The following DNAJC13 variants were observed in gnomAD, a reference collection of about 807,000 sequenced individuals.
The protein encoded by DNAJC13 is dnaJ homolog subfamily C member 13.
Under a neutral mutation model 290.5 loss-of-function variants are expected in DNAJC13, and 75 were observed. That is an observed-to-expected ratio of 0.26 (90% confidence interval 0.21 to 0.31). The LOEUF (loss-of-function observed/expected upper bound fraction) is 0.31. DNAJC13 is among the 10% of genes least tolerant of loss of function. The pLI is 1.00. For synonymous variants in DNAJC13, 862 were observed against 892.0 expected (o/e 0.97, Z 0.60); for missense variants, 2,260 against 2,674.5 (o/e 0.85, Z 3.42).
At chr3:132,468,042 T>A (rs568507326) in intron 20 of DNAJC13, among the ~76,000 whole-genome samples, 5 of 152,356 alleles carry the variant, frequency 3.3e-5, no homozygotes, top group Admixed American at 3.3e-4. Flanking sequence ...AAGATTCACA[T>A]TTTAAATTCA....
At chr3:132,531,266 T>C (rs1936407028) in intron 55 of DNAJC13, among the ~76,000 whole-genome samples, 169 bp downstream of exon 55, 1 of 152,202 alleles carries the variant, frequency 6.6e-6, no homozygotes, top group African/African-American at 2.4e-5. Context: ...TAGCTTTATA[T>C]AGCATGCAAA....
intron 22 of DNAJC13, 63 bp from the exon 23 acceptor site, chr3:132,477,726 T>G (rs1216115853): frequency 7.0e-6 from 8 of 1,144,422 alleles, no homozygotes; most frequent in Non-Finnish European, 1.0e-5. Context: ...TAAGAAACAA[T>G]TATTAGAAAT....
At chr3:132,504,561 A>G (rs1163900579) in intron 41 of DNAJC13, among the ~76,000 whole-genome samples, 2 of 152,220 alleles carry the variant, frequency 1.3e-5, no homozygotes, top group African/African-American at 4.8e-5. Context: ...ACTGGATTCA[A>G]TAAAATGCTT....
At chr3:132,457,606 G>T in intron 13 of DNAJC13, 1 of 436,740 alleles carries the variant, frequency 2.3e-6, no homozygotes. Context: ...TGACAGTCTG[G>T]TAAGGTAGGC....
chr3:132,417,922 T>A (rs907046342), intron 1 of DNAJC13, among the ~76,000 whole-genome samples, 162 bp downstream of exon 1: 7 of 152,180 alleles, frequency 4.6e-5, no homozygotes, highest in African/African-American at 1.7e-4. Flanking sequence ...GCTGCTGGTC[T>A]GGTTCCTTTC....
chr3:132,478,584 T>G (rs1025853914), intron 24 of DNAJC13, among the ~76,000 whole-genome samples: 2 of 152,174 alleles, frequency 1.3e-5, no homozygotes, highest in African/African-American at 4.8e-5. Flanking sequence ...GAGTTAGCAC[T>G]CTACAAAAAA....
At position 132,483,597 on chromosome 3, in the gene DNAJC13, T is replaced by A. The variant is rs1934753345; in HGVS notation, c.3182+20T>A. ...AAGCAGGTAAAATGTAATTGAATGTTTCCATGGTTAATTGATATGCTTCCT... is the reference window on the plus strand; with the variant it reads ...AAGCAGGTAAAATGTAATTGAATGTATCCATGGTTAATTGATATGCTTCCT... On this transcript the variant is annotated intron_variant, in intron 28 of 55. Coordinates refer to ENST00000260818, the MANE Select transcript of DNAJC13 (RefSeq NM_015268.4). 1 of 1,608,042 alleles carries A rather than the reference T, an allele frequency of 6.2e-7. No homozygotes were observed. The highest frequency in any genetic ancestry group is 1.3e-5 in the African/African-American group (1 of 74,924).
At chr3:132,446,408 A>T (rs1933245179) in intron 2 of DNAJC13, 67 bp from the exon 3 acceptor site, 2 of 1,095,122 alleles carry the variant, frequency 1.8e-6, no homozygotes, top group Non-Finnish European at 2.7e-6. Context: ...GTTTTGTGTT[A>T]TATATATTTT....
At chr3:132,465,944 G>T in intron 17 of DNAJC13, 51 bp from the exon 18 acceptor site, 1 of 1,320,288 alleles carries the variant, frequency 7.6e-7, no homozygotes, top group South Asian at 1.3e-5. Context: ...ATTCCTTTCT[G>T]TTCTAGCTGA....
At chr3:132,503,420 T>G (rs1477528574) in intron 41 of DNAJC13, 39 bp downstream of exon 41, 21 of 1,609,752 alleles carry the variant, frequency 1.3e-5, no homozygotes, top group Non-Finnish European at 1.7e-5. Context: ...TAATCAATAG[T>G]GCAAGATCCT....
chr3:132,511,067 G>A lies in DNAJC13; in HGVS notation c.5116G>A (p.Val1706Ile), dbSNP rs771572276. The change falls in exon 44 of 56, where the codon GTT (valine) becomes ATT (isoleucine). Residue 1706 changes from valine to isoleucine, a missense_variant and splice_region_variant. By Grantham distance (29) the Val-to-Ile change is conservative (BLOSUM62 3). Around this residue, in one of 3 missense-constraint regions of DNAJC13, gnomAD observed 1,494 missense variants for 1,693.7 expected, o/e 0.88. Transcript: ENST00000260818. Reference sequence around the variant, plus strand: ...TTAAATACTTGTCTGCATTGATTAGGTTCCAAAAGCATTTGCTGCAAGTCT... The same window carrying A: ...TTAAATACTTGTCTGCATTGATTAGATTCCAAAAGCATTTGCTGCAAGTCT... ...YNEVPTFQLE[V>I]PKAFAASLLD... The A allele has an allele frequency of 5.0e-6, 8 of 1,613,438 alleles. No homozygotes were observed. The highest frequency in any genetic ancestry group is 1.7e-4 in the Middle Eastern group (1 of 6,056).
chr3:132,465,910 T>C (rs1025302068), intron 17 of DNAJC13, 85 bp from the exon 18 acceptor site: 2 of 781,010 alleles, frequency 2.6e-6, no homozygotes, highest in Non-Finnish European at 4.1e-6. Flanking sequence ...TTTTTTATAA[T>C]TATGTGATAT....
chr3:132,513,491 TG>T (rs1935837820), intron 45 of DNAJC13, among the ~76,000 whole-genome samples: 1 of 152,190 alleles, frequency 6.6e-6, no homozygotes, highest in Admixed American at 6.5e-5. Flanking sequence ...CTACATACTG[TG>T]GGTTTGCATT....
chr3:132,435,386 G>A (rs1217405357), intron 2 of DNAJC13, among the ~76,000 whole-genome samples: 1 of 152,154 alleles, frequency 6.6e-6, no homozygotes, highest in Non-Finnish European at 1.5e-5. Flanking sequence ...CGTGCCACAA[G>A]GTAAAATGTG....
At chr3:132,527,397 A>C (rs1328995474) in intron 53 of DNAJC13, among the ~76,000 whole-genome samples, 1 of 152,006 alleles carries the variant, frequency 6.6e-6, no homozygotes, top group Non-Finnish European at 1.5e-5. Context: ...AGCCTTACCC[A>C]CTGGACCCTC....
At chr3:132,506,541 C>CTTTTTTTTTTTTTT (rs34151394) in intron 42 of DNAJC13, among the ~76,000 whole-genome samples, 2 of 54,754 alleles carry the variant, frequency 3.7e-5, no homozygotes, top group Non-Finnish European at 6.3e-5. Flanking sequence ...CAGTGTATTA[C>CTTTTTTTTTTTTTT]TTTTTTTTTT....
At chr3:132,499,939 A>AT in intron 38 of DNAJC13, 131 bp downstream of exon 38, 4 of 766,806 alleles carry the variant, frequency 5.2e-6, no homozygotes, top group Non-Finnish European at 8.7e-6. Context: ...CAAGTTTCTG[A>AT]TTCAGTGAGT....
chr3:132,420,517 T>TAA (rs796164160), intron 1 of DNAJC13, among the ~76,000 whole-genome samples: 9 of 152,100 alleles, frequency 5.9e-5, no homozygotes, highest in African/African-American at 2.2e-4. Flanking sequence ...GTGTTTGACT[T>TAA]AGACTTAATC....
intron 45 of DNAJC13, 132 bp from the exon 46 acceptor site, chr3:132,514,439 T>A (rs1935863352): frequency 1.7e-6 from 1 of 597,312 alleles, no homozygotes; most frequent in Non-Finnish European, 2.9e-6. Flanking sequence ...CTTTTAAAAT[T>A]AAACTCTTAT....
Sources: gnomAD v4.1 joint callset for allele counts (sites outside exome capture counted in the v4.1 genomes callset) on GRCh38, gnomAD v4.1.1 for gene constraint, gnomAD v4.1.1 regional missense constraint, MANE v1.5 for transcripts, NCBI Gene and HGNC (gene_info 2026-07-23, HGNC 2026-07-21) for gene names.